Variants in PITPNC1 observed in about 807,000 individuals in gnomAD.
PITPNC1 encodes phosphatidylinositol transfer protein cytoplasmic 1, also known as cytoplasmic phosphatidylinositol transfer protein 1.
In PITPNC1, 18 loss-of-function variants were observed where a neutral mutation model predicts 44.7. That is an observed-to-expected ratio of 0.40 (90% confidence interval 0.28 to 0.60). The LOEUF (loss-of-function observed/expected upper bound fraction) is 0.60. Among genes scored for constraint, PITPNC1 ranks in the 20% least tolerant of loss-of-function variants. The probability of loss-of-function intolerance (pLI) is 0.39; values close to 1 mark genes in which losing one functional copy is unlikely to be tolerated. For synonymous variants in PITPNC1, 141 were observed against 149.6 expected, an observed-to-expected ratio of 0.94 and a Z score of 0.42; for missense variants, 290 against 418.4, an observed-to-expected ratio of 0.69 and a Z score of 2.68.
chr17:67,502,162 A>G (rs1346615375), intron 1 of PITPNC1, among the ~76,000 whole-genome samples: 1 of 152,198 alleles, frequency 6.6e-6, no homozygotes, highest in African/African-American at 2.4e-5. Flanking sequence ...TAATAAGATG[A>G]AAGTTTGTGT....
chr17:67,445,102 C>A (rs879497686), intron 1 of PITPNC1, among the ~76,000 whole-genome samples: 1 of 151,830 alleles, frequency 6.6e-6, no homozygotes, highest in African/African-American at 2.4e-5. Context: ...GAAGAACATA[C>A]AATGGCTTGG....
chr17:67,522,176 C>T (rs990259406), intron 1 of PITPNC1, among the ~76,000 whole-genome samples: 17 of 152,146 alleles, frequency 1.1e-4, no homozygotes, highest in African/African-American at 3.1e-4. Context: ...TGGTGGCACA[C>T]GCTTGTAATT....
intron 5 of PITPNC1, among the ~76,000 whole-genome samples, chr17:67,620,615 T>G (rs2144311588): frequency 6.6e-6 from 1 of 152,210 alleles, no homozygotes; most frequent in South Asian, 2.1e-4. Context: ...GCTTTACAAC[T>G]CCCTGCTGGC....
chr17:67,428,574 G>A (rs1182567323), intron 1 of PITPNC1, among the ~76,000 whole-genome samples: 3 of 150,912 alleles, frequency 2.0e-5, no homozygotes, highest in African/African-American at 4.8e-5. Flanking sequence ...AACATACTGC[G>A]CCTAGCAATA....
Position 67,628,088 on chromosome 17 carries a change from G to A in PITPNC1, c.367-4055G>A, listed in dbSNP as rs997058968. 5.9e-5 allele frequency among the ~76,000 whole-genome samples: 9 copies of A among 151,804 alleles called. 1 individual carries two copies. The South Asian group carries it at 8.3e-4, about 14-fold the overall frequency. On this transcript the variant is annotated intron_variant, in intron 5 of 8. Coordinates refer to ENST00000581322, the MANE Select transcript of PITPNC1 (RefSeq NM_012417.4). ...TTCACAGGCATGTGCCACCACACCC[G>A]GCTGGGGTTTCACCATGTGGACCAA...
chr17:67,693,643 G>A lies in PITPNC1; in HGVS notation c.*755G>A, dbSNP rs943559825. On this transcript the variant is annotated 3_prime_UTR_variant, in exon 9 of 9. Transcript: ENST00000581322. The stretch of plus-strand genomic sequence containing the variant: ...TCAGTTTAGGAACCAAGAGGCCCAG[G>A]TGAGGCAACATCTTTTTTCTCTACA... The A allele has an allele frequency of 6.6e-6, 1 of 152,254 alleles. No homozygotes were observed. The highest frequency in any genetic ancestry group is 6.5e-5 in the Admixed American group (1 of 15,276). The allele number at this position is 152,254 out of a possible 1,614,324, so 9.4% of individuals were successfully genotyped here. A position where few individuals can be genotyped will look rare whatever the true frequency, so the allele number is the denominator to read the frequency against.
At chr17:67,443,915 G>T (rs1421161857) in intron 1 of PITPNC1, among the ~76,000 whole-genome samples, 1 of 152,050 alleles carries the variant, frequency 6.6e-6, no homozygotes, top group African/African-American at 2.4e-5. Context: ...GATTACAGGC[G>T]TGAGTCACTG....
chr17:67,521,356 CTGG>C (rs2040322637), intron 1 of PITPNC1, among the ~76,000 whole-genome samples: 1 of 152,198 alleles, frequency 6.6e-6, no homozygotes, highest in Non-Finnish European at 1.5e-5. Context: ...TTCCCATACC[CTGG>C]CATAATGACA....
At chr17:67,423,505 A>G (rs377236469) in intron 1 of PITPNC1, among the ~76,000 whole-genome samples, 1 of 152,276 alleles carries the variant, frequency 6.6e-6, no homozygotes, top group Non-Finnish European at 1.5e-5. Context: ...TCTGATTACT[A>G]GTATTTTCAA....
chr17:67,443,444 G>C (rs1430556069), intron 1 of PITPNC1, among the ~76,000 whole-genome samples: 2 of 151,100 alleles, frequency 1.3e-5, no homozygotes, highest in Non-Finnish European at 3.0e-5. Context: ...TTCATTTTTC[G>C]ACTGTGATTT....
At chr17:67,446,065 G>C (rs2039088362) in intron 1 of PITPNC1, among the ~76,000 whole-genome samples, 2 of 151,966 alleles carry the variant, frequency 1.3e-5, no homozygotes, top group Non-Finnish European at 2.9e-5. Flanking sequence ...TCCTGCCTCA[G>C]CCTCCCAAGT....
chr17:67,552,451 GC>G, intron 3 of PITPNC1, 106 bp downstream of exon 3: 2 of 710,166 alleles, frequency 2.8e-6, no homozygotes, highest in Non-Finnish European at 5.1e-6. Flanking sequence ...CCTTGTGGGA[GC>G]CCCGTAGTAT....
chr17:67,466,473 TGCCTAGTAAAGGATTCATGCAGG>T (rs2039429700), intron 1 of PITPNC1, among the ~76,000 whole-genome samples: 1 of 152,054 alleles, frequency 6.6e-6, no homozygotes, highest in Non-Finnish European at 1.5e-5. Flanking sequence ...CAGCAACCAG[TGCCTAGTAAAGGATTCATGCAGG>T]GCCCTCCCAC....
chr17:67,454,642 C>A (rs1004468100), intron 1 of PITPNC1, among the ~76,000 whole-genome samples: 2 of 151,810 alleles, frequency 1.3e-5, no homozygotes, highest in Admixed American at 6.6e-5. Flanking sequence ...TGCTTTTTTC[C>A]TAATTGCAAA....
intron 3 of PITPNC1, among the ~76,000 whole-genome samples, chr17:67,552,949 GCTTATTATGA>G (rs1173679162): frequency 6.6e-6 from 1 of 151,816 alleles, no homozygotes; most frequent in African/African-American, 2.4e-5. Flanking sequence ...TAAACAAGTT[GCTTATTATGA>G]CTTGTTTGTT....
intron 4 of PITPNC1, among the ~76,000 whole-genome samples, chr17:67,559,310 GA>G (rs148178850): frequency 1.3e-5 from 2 of 151,852 alleles, no homozygotes; most frequent in African/African-American, 2.4e-5. Context: ...GGAAATTAAA[GA>G]AAAAAAATCT....
chr17:67,629,890 C>T (rs1460193948), intron 5 of PITPNC1, among the ~76,000 whole-genome samples: 2 of 152,154 alleles, frequency 1.3e-5, no homozygotes, highest in African/African-American at 4.8e-5. Flanking sequence ...AGTCAGTGGC[C>T]ACCTCGGGTC....
At chr17:67,638,046 G>A (rs1445735103) in intron 6 of PITPNC1, 1 of 152,230 alleles carries the variant, frequency 6.6e-6, no homozygotes, top group African/African-American at 2.4e-5. Flanking sequence ...GCCAAAAGCT[G>A]AGCAGGTTGG....
chr17:67,664,453 G>A (rs142003083), intron 6 of PITPNC1, among the ~76,000 whole-genome samples: 1,910 of 152,214 alleles, frequency 0.013, 24 homozygotes, highest in Non-Finnish European at 0.021. Flanking sequence ...TTTTCTCCAC[G>A]GCCTCACCAG....
Sources: gnomAD v4.1 joint callset for allele counts (sites outside exome capture counted in the v4.1 genomes callset) on GRCh38, gnomAD v4.1.1 for gene constraint, MANE v1.5 for transcripts, NCBI Gene and HGNC (gene_info 2026-07-23, HGNC 2026-07-21) for gene names.